Variants in EDIL3 observed in about 807,000 individuals in gnomAD.
The protein encoded by EDIL3 is EGF-like repeat and discoidin I-like domain-containing protein 3.
EDIL3 carries 37 observed loss-of-function variants against 67.4 expected under a neutral mutation model. The ratio of observed to expected loss-of-function variants is 0.55; its 90% CI spans 0.42 to 0.72. EDIL3 has a LOEUF of 0.72. Among genes scored for constraint, EDIL3 ranks in the 30% least tolerant of loss-of-function variants. EDIL3 has a pLI of 0.00. For missense variants in EDIL3, 527 were observed against 586.3 expected, an observed-to-expected ratio of 0.90 and a Z score of 1.04; for synonymous variants, 195 against 196.3, an observed-to-expected ratio of 0.99 and a Z score of 0.05.
intron 4 of EDIL3, among the ~76,000 whole-genome samples, chr5:84,151,796 T>C (rs952133719): frequency 4.6e-5 from 7 of 152,212 alleles, no homozygotes; most frequent in Non-Finnish European, 4.4e-5. Flanking sequence ...TGGAAGTTCA[T>C]GAAGTACATT....
At position 84,165,703 on chromosome 5, in the gene EDIL3, T is replaced by C. The variant is rs1029785808; in HGVS notation, c.355+14690A>G. On this transcript the variant is annotated intron_variant, in intron 4 of 10. Transcript: ENST00000296591. ...CAAATGGCTCTCTCGATAATCTTGA[T>C]GGAAAGCACTGTTCACGGCTCCTTC... Among the ~76,000 whole-genome samples, 5 of 152,238 alleles carry C rather than the reference T, an allele frequency of 3.3e-5. No homozygotes were observed. The East Asian group carries it at 9.7e-4, about 29-fold the overall frequency.
intron 3 of EDIL3, among the ~76,000 whole-genome samples, chr5:84,189,768 C>G (rs961991692): frequency 5.9e-5 from 9 of 151,974 alleles, no homozygotes; most frequent in Non-Finnish European, 1.0e-4. Context: ...TTTTATCCTT[C>G]AAAACATGCT....
intron 3 of EDIL3, among the ~76,000 whole-genome samples, chr5:84,185,531 T>C (rs540897793): frequency 2.0e-5 from 3 of 152,168 alleles, no homozygotes; most frequent in East Asian, 3.9e-4. Flanking sequence ...CAGTAGGTGT[T>C]TGATACATTT....
At chr5:84,030,244 TCTC>T (rs1485011682) in intron 9 of EDIL3, among the ~76,000 whole-genome samples, 1 of 152,198 alleles carries the variant, frequency 6.6e-6, no homozygotes, top group Non-Finnish European at 1.5e-5. Context: ...GGTTTTTAAA[TCTC>T]CTATGTAGCA....
chr5:84,324,951 T>C (rs1746727532), intron 1 of EDIL3, among the ~76,000 whole-genome samples: 1 of 151,668 alleles, frequency 6.6e-6, no homozygotes, highest in Admixed American at 6.6e-5. Flanking sequence ...CCTGGTGTCT[T>C]CACTGGTGAC....
chr5:84,118,151 T>A (rs1354178822), intron 5 of EDIL3, among the ~76,000 whole-genome samples: 1 of 152,088 alleles, frequency 6.6e-6, no homozygotes, highest in Non-Finnish European at 1.5e-5. Context: ...TCTCATTAAT[T>A]GAACATTTTT....
chr5:84,232,890 A>T (rs2112046820), intron 2 of EDIL3, among the ~76,000 whole-genome samples: 1 of 152,316 alleles, frequency 6.6e-6, no homozygotes, highest in East Asian at 1.9e-4. Context: ...GTAAAAATAA[A>T]CCTCAAAGTG....
intron 1 of EDIL3, among the ~76,000 whole-genome samples, chr5:84,371,478 A>AAG (rs1276446934): frequency 8.8e-6 from 1 of 114,208 alleles, no homozygotes; most frequent in African/African-American, 3.2e-5. Flanking sequence ...GAGAGAGAGA[A>AAG]AGAGAGAGAG....
At position 84,319,268 on chromosome 5, in the gene EDIL3, C is replaced by A. The variant is rs1455009078; in HGVS notation, c.67+65040G>T. Among the ~76,000 whole-genome samples the A allele has an allele frequency of 3.9e-5, 3 of 77,678 alleles. 1 individual carries two copies. Among genetic ancestry groups the A allele is most frequent in the Non-Finnish European group, 9.1e-5 (3 of 33,034 alleles). 51.0% of individuals were successfully genotyped at this position (77,678 alleles called of 152,430 possible). On this transcript the variant is annotated intron_variant, in intron 1 of 10. Coordinates refer to ENST00000296591, the MANE Select transcript of EDIL3 (RefSeq NM_005711.5). Reference sequence around the variant, plus strand: ...CGGGCGGATCACGAGGTCAGGAGATCGAGACCACGGTGAAACCCCGTCTCT... The same window carrying A: ...CGGGCGGATCACGAGGTCAGGAGATAGAGACCACGGTGAAACCCCGTCTCT...
At chr5:84,157,672 T>G (rs1028561995) in intron 4 of EDIL3, among the ~76,000 whole-genome samples, 1 of 152,036 alleles carries the variant, frequency 6.6e-6, no homozygotes, top group Non-Finnish European at 1.5e-5. Flanking sequence ...CCTAACAGTG[T>G]TAAAGCTACC....
At chr5:84,218,649 T>C (rs986975761) in intron 3 of EDIL3, among the ~76,000 whole-genome samples, 1 of 152,190 alleles carries the variant, frequency 6.6e-6, no homozygotes, top group Non-Finnish European at 1.5e-5. Flanking sequence ...ACGGTGTTTC[T>C]TGACCTGTAC....
chr5:84,089,038 A>G (rs1747119932), intron 6 of EDIL3, among the ~76,000 whole-genome samples: 4 of 152,214 alleles, frequency 2.6e-5, no homozygotes, highest in Admixed American at 2.6e-4. Flanking sequence ...GGTGAGCTAT[A>G]GTCTCAGAAA....
At chr5:84,113,653 G>C (rs1333778483) in intron 5 of EDIL3, among the ~76,000 whole-genome samples, 2 of 152,172 alleles carry the variant, frequency 1.3e-5, no homozygotes, top group Non-Finnish European at 2.9e-5. Flanking sequence ...CAAGTAAGCA[G>C]TGCCTCAAGA....
At chr5:84,182,209 T>C (rs1749024925) in intron 3 of EDIL3, among the ~76,000 whole-genome samples, 1 of 151,568 alleles carries the variant, frequency 6.6e-6, no homozygotes, top group Non-Finnish European at 1.5e-5. Context: ...GGCAGATTGC[T>C]TGAGCCCAGG....
At position 84,305,918 on chromosome 5, in the gene EDIL3, A is replaced by AATAGATAG. The variant is rs201813036; in HGVS notation, c.68-51714_68-51707dup. 7.3e-4 allele frequency among the ~76,000 whole-genome samples: 109 copies of AATAGATAG among 149,818 alleles called. 1 individual carries two copies. Among genetic ancestry groups the AATAGATAG allele is most frequent in the African/African-American group, 2.5e-3 (102 of 40,062 alleles). ...AAATAAATAAATAAATAAATAAATAAATAGATAGATAAATAAATAAAATAC... is the reference window on the plus strand; with the variant it reads ...AAATAAATAAATAAATAAATAAATAAATAGATAGATAGATAGATAAATAAATAAAATAC... On this transcript the variant is annotated intron_variant, in intron 1 of 10. Coordinates refer to ENST00000296591, the MANE Select transcript of EDIL3 (RefSeq NM_005711.5).
At position 84,073,195 on chromosome 5, in the gene EDIL3, C is replaced by G. The variant is rs537440889; in HGVS notation, c.652-6589G>C. 9.9e-5 allele frequency among the ~76,000 whole-genome samples: 15 copies of G among 152,212 alleles called. No homozygotes were observed. The South Asian group carries it at 2.5e-3, about 25-fold the overall frequency. On this transcript the variant is annotated intron_variant, in intron 6 of 10. Coordinates refer to ENST00000296591, the MANE Select transcript of EDIL3 (RefSeq NM_005711.5). ...TAAATTAGGTATTGATGGGACGTAT[C>G]TCAAAATAATAAGGGCTATCTATGA...
chr5:84,358,847 T>C (rs973781890), intron 1 of EDIL3, among the ~76,000 whole-genome samples: 5 of 152,024 alleles, frequency 3.3e-5, no homozygotes, highest in African/African-American at 1.2e-4. Flanking sequence ...CCTGACCTCA[T>C]GAACCACCCA....
At chr5:84,064,031 T>C (rs1746589478) in intron 8 of EDIL3, among the ~76,000 whole-genome samples, 1 of 152,166 alleles carries the variant, frequency 6.6e-6, no homozygotes. Context: ...TCCTCATCTT[T>C]ATAGCTAATA....
intron 9 of EDIL3, among the ~76,000 whole-genome samples, chr5:83,984,805 A>G (rs2301072): frequency 0.25 from 37,774 of 151,868 alleles, 4,993 homozygotes; most frequent in East Asian, 0.34. Context: ...ATAAAATACA[A>G]TCCATTCACA....
Sources: gnomAD v4.1 joint callset for allele counts (sites outside exome capture counted in the v4.1 genomes callset) on GRCh38, gnomAD v4.1.1 for gene constraint, MANE v1.5 for transcripts, NCBI Gene and HGNC (gene_info 2026-07-23, HGNC 2026-07-21) for gene names.